Variants in MYO3A observed in about 807,000 individuals in gnomAD.
MYO3A encodes the protein myosin-IIIa.
A neutral mutation model predicts 192.7 loss-of-function variants in MYO3A; 180 were observed. The ratio of observed to expected loss-of-function variants is 0.93; its 90% CI spans 0.83 to 1.06. The LOEUF is 1.06. Among genes scored for constraint, MYO3A ranks in the 50% least tolerant of loss-of-function variants. The pLI is 0.00. For missense variants in MYO3A, 1,896 were observed against 1,905.0 expected (o/e 1.00, Z 0.09); for synonymous variants, 628 against 645.3 (o/e 0.97, Z 0.41).
chr10:26,160,703 G>A (rs1841444528), intron 26 of MYO3A, among the ~76,000 whole-genome samples: 1 of 152,052 alleles, frequency 6.6e-6, no homozygotes, highest in Admixed American at 6.6e-5. Flanking sequence ...CTTGAAGGAG[G>A]GTACGGCTTA....
chr10:26,018,662 A>G (rs1842111158), intron 7 of MYO3A, among the ~76,000 whole-genome samples: 1 of 152,198 alleles, frequency 6.6e-6, no homozygotes, highest in Non-Finnish European at 1.5e-5. Context: ...CGACTGTAGT[A>G]GGTGACTGTA....
Position 25,952,139 on chromosome 10 carries a change from T to C in MYO3A, c.29T>C (p.Ile10Thr), listed in dbSNP as rs375710366. Residue 10 changes from isoleucine (I) to threonine (T), a missense_variant, in exon 3 of 35, where the codon ATC becomes ACC. By Grantham distance (89) the Ile-to-Thr change is moderately conservative. Transcript: ENST00000642920. Reference protein sequence around the residue: MFPLIGKTIIFDNFPDPSDT... With the variant: MFPLIGKTITFDNFPDPSDT... The stretch of plus-strand genomic sequence containing the variant: ...TTTCCATTAATTGGAAAAACAATCA[T>C]CTTTGATAACTTTCCTGATCCTTCT... The C allele has an allele frequency of 6.2e-7, 1 of 1,612,114 alleles. No individual in the cohort carries two copies. Among genetic ancestry groups the C allele is most frequent in the African/African-American group, 1.3e-5 (1 of 74,970 alleles).
At chr10:26,029,048 T>C (rs529816947) in intron 10 of MYO3A, among the ~76,000 whole-genome samples, 72 of 152,218 alleles carry the variant, frequency 4.7e-4, no homozygotes, top group Admixed American at 1.0e-3. Flanking sequence ...ATTGAAAATA[T>C]AGTCTGGAAC....
intron 10 of MYO3A, among the ~76,000 whole-genome samples, chr10:26,030,090 T>C (rs1270209473): frequency 6.6e-6 from 1 of 152,114 alleles, no homozygotes; most frequent in Non-Finnish European, 1.5e-5. Flanking sequence ...TCAATCTTTT[T>C]CCCAGGCAAG....
chr10:25,966,019 A>G (rs1838242308), intron 4 of MYO3A, among the ~76,000 whole-genome samples: 1 of 151,394 alleles, frequency 6.6e-6, no homozygotes, highest in African/African-American at 2.4e-5. Flanking sequence ...AAAACCAGAT[A>G]CTATGGGTGC....
At chr10:26,180,346 CAGA>C (rs1466251892) in intron 31 of MYO3A, among the ~76,000 whole-genome samples, 3 of 152,116 alleles carry the variant, frequency 2.0e-5, no homozygotes, top group Admixed American at 1.3e-4. Flanking sequence ...AAACCAAAAG[CAGA>C]AGGATATTCT....
At chr10:26,042,254 A>G (rs1843392365) in intron 10 of MYO3A, among the ~76,000 whole-genome samples, 1 of 151,928 alleles carries the variant, frequency 6.6e-6, no homozygotes, top group African/African-American at 2.4e-5. Flanking sequence ...TCCTTTCTTT[A>G]TCTTTAACCT....
intron 10 of MYO3A, among the ~76,000 whole-genome samples, chr10:26,035,549 CT>C (rs555586556): frequency 9.1e-4 from 139 of 152,354 alleles, no homozygotes; most frequent in African/African-American, 3.3e-3. Flanking sequence ...TATCATACCA[CT>C]TTCCCCCCTG....
At chr10:25,992,276 A>G (rs374073278) in intron 4 of MYO3A, among the ~76,000 whole-genome samples, 4 of 152,132 alleles carry the variant, frequency 2.6e-5, no homozygotes, top group African/African-American at 9.7e-5. Context: ...CTTTGAAGCA[A>G]TTGTGAATGG....
chr10:26,211,706 C>T, intron 34 of MYO3A, 137 bp from the exon 35 acceptor site: 3 of 1,344,136 alleles, frequency 2.2e-6, no homozygotes, highest in Non-Finnish European at 2.1e-6. Context: ...ATTATCCAGT[C>T]GTTTCGATTG....
At chr10:26,183,138 CACAGG>C (rs1203912529) in intron 31 of MYO3A, among the ~76,000 whole-genome samples, 14 of 152,170 alleles carry the variant, frequency 9.2e-5, no homozygotes, top group Admixed American at 3.9e-4. Flanking sequence ...TCACCCCCCA[CACAGG>C]CTGCTTTATC....
chr10:26,012,387 G>A (rs530337791), intron 6 of MYO3A, among the ~76,000 whole-genome samples: 2 of 152,246 alleles, frequency 1.3e-5, no homozygotes, highest in South Asian at 2.1e-4. Flanking sequence ...AACTAATTCA[G>A]TCAAGTCTTA....
chr10:26,194,781 G>T (rs4749098), intron 32 of MYO3A, among the ~76,000 whole-genome samples: 21,844 of 152,098 alleles, frequency 0.14, 1,747 homozygotes, highest in East Asian at 0.31. Context: ...GCTGATTTCT[G>T]AATCTTGATC....
intron 26 of MYO3A, among the ~76,000 whole-genome samples, chr10:26,160,785 G>A (rs1841449823): frequency 6.6e-6 from 1 of 152,176 alleles, no homozygotes; most frequent in African/African-American, 2.4e-5. Flanking sequence ...ATTGGATTGG[G>A]TTGGTAGAGT....
rs115363211 is a variant in MYO3A, at chr10:26,084,182, G to A, written c.1360-4021G>A. Among the ~76,000 whole-genome samples, 1,322 of 152,296 alleles carry A rather than the reference G, an allele frequency of 8.7e-3. 16 individuals carry two copies. The highest frequency in any genetic ancestry group is 0.029 in the African/African-American group (1,203 of 41,554). On this transcript the variant is annotated intron_variant, in intron 14 of 34. Transcript: ENST00000642920. ...TTGGACTTTGTCAGATACTTTTTCT[G>A]CATCAGTTGAGATGATTATGTGGTT... is the stretch of plus-strand genomic sequence containing the variant.
intron 26 of MYO3A, among the ~76,000 whole-genome samples, chr10:26,163,043 C>G (rs1337506094): frequency 2.0e-5 from 3 of 152,228 alleles, no homozygotes; most frequent in Non-Finnish European, 4.4e-5. Context: ...ACATGGCCCT[C>G]TGGCACAATT....
intron 6 of MYO3A, among the ~76,000 whole-genome samples, chr10:26,008,867 C>T (rs1841419801): frequency 6.6e-6 from 1 of 151,856 alleles, no homozygotes; most frequent in South Asian, 2.1e-4. Context: ...ACCCAGCCAT[C>T]CCATTACTGG....
intron 34 of MYO3A, among the ~76,000 whole-genome samples, chr10:26,203,730 G>C (rs1263921212): frequency 6.6e-6 from 1 of 152,146 alleles, no homozygotes; most frequent in Non-Finnish European, 1.5e-5. Context: ...TGAAAAATGG[G>C]AGTAATGATG....
chr10:26,036,589 T>C (rs1163237073), intron 10 of MYO3A, among the ~76,000 whole-genome samples: 2 of 152,198 alleles, frequency 1.3e-5, no homozygotes, highest in Non-Finnish European at 2.9e-5. Flanking sequence ...TAGCCTGTTA[T>C]TTTGTGTGCT....
Sources: allele counts gnomAD v4.1 joint callset (sites outside exome capture counted in the v4.1 genomes callset), GRCh38; gene constraint gnomAD v4.1.1; transcripts MANE v1.5; gene names NCBI Gene and HGNC (gene_info 2026-07-23, HGNC 2026-07-21).